The following FAF1 variants were observed in gnomAD, a reference collection of about 807,000 sequenced individuals.
The protein encoded by FAF1 is FAS-associated factor 1.
Under a neutral mutation model 92.5 loss-of-function variants are expected in FAF1, and 25 were observed. The ratio of observed to expected loss-of-function variants is 0.27; its 90% CI spans 0.20 to 0.38. The LOEUF (loss-of-function observed/expected upper bound fraction) is 0.38, where lower values mean the gene tolerates loss of function less well. FAF1 is among the 10% of genes least tolerant of loss of function. FAF1 has a pLI of 1.00. For synonymous variants in FAF1, 234 were observed against 273.2 expected, an observed-to-expected ratio of 0.86 and a Z score of 1.42; for missense variants, 636 against 793.3, an observed-to-expected ratio of 0.80 and a Z score of 2.38.
At chr1:50,728,180 G>C (rs1049482561) in intron 6 of FAF1, among the ~76,000 whole-genome samples, 3 of 152,146 alleles carry the variant, frequency 2.0e-5, no homozygotes, top group Admixed American at 6.5e-5. Flanking sequence ...GTATAACAGA[G>C]GGGCTGTTTT....
At chr1:50,596,010 G>C (rs1240130369) in intron 9 of FAF1, 111 bp downstream of exon 9, 3 of 691,218 alleles carry the variant, frequency 4.3e-6, no homozygotes, top group Non-Finnish European at 7.6e-6. Flanking sequence ...TTTAATTAAT[G>C]CTACATTAAC....
Position 50,900,739 on chromosome 1 carries a change from C to T in FAF1, c.46-42742G>A, listed in dbSNP as rs187100703. ...AAATACAAAGGTTTCCAATATAAAT[C>T]GTCATTTTTTATAAATATCATCAGT... is the stretch of plus-strand genomic sequence containing the variant. On this transcript the variant is annotated intron_variant, in intron 1 of 18. Transcript: ENST00000396153. Among the ~76,000 whole-genome samples, 308 of 152,222 alleles carry T rather than the reference C, an allele frequency of 2.0e-3. 1 individual carries two copies. The highest frequency in any genetic ancestry group is 6.7e-3 in the African/African-American group (278 of 41,532).
At position 50,655,625 on chromosome 1, in the gene FAF1, C is replaced by T. The variant is rs1456400828; in HGVS notation, c.658-97G>A. 3 of 706,694 alleles carry T rather than the reference C, an allele frequency of 4.2e-6. No individual in the cohort carries two copies. The East Asian group carries it at 9.2e-5, about 22-fold the overall frequency. 43.8% of individuals were successfully genotyped at this position (706,694 alleles called of 1,614,324 possible). A position where few individuals can be genotyped will look rare whatever the true frequency, so the allele number is the denominator to read the frequency against. The stretch of plus-strand genomic sequence containing the variant: ...AGACATACAGTGTATTTCTTGTTTT[C>T]TTCTAGATTCAAAACAAGAATTTGA... On this transcript the variant is annotated intron_variant, in intron 7 of 18. Transcript: ENST00000396153.
intron 4 of FAF1, among the ~76,000 whole-genome samples, chr1:50,773,037 A>T (rs1660827125): frequency 6.6e-6 from 1 of 152,230 alleles, no homozygotes. Flanking sequence ...ATTAATTGAA[A>T]GATGTAACTC....
intron 7 of FAF1, among the ~76,000 whole-genome samples, chr1:50,698,144 C>A (rs1440237108): frequency 6.6e-6 from 1 of 151,742 alleles, no homozygotes; most frequent in African/African-American, 2.4e-5. Flanking sequence ...GGTTTAATTT[C>A]TTGTGTGTGT....
chr1:50,800,161 T>A (rs1311350742), intron 3 of FAF1, among the ~76,000 whole-genome samples: 1 of 152,170 alleles, frequency 6.6e-6, no homozygotes, highest in Non-Finnish European at 1.5e-5. Flanking sequence ...ATAAAATATA[T>A]TAAATAAAAA....
At position 50,930,881 on chromosome 1, in the gene FAF1, T is replaced by C. The variant is rs139159036; in HGVS notation, c.45+28886A>G. On this transcript the variant is annotated intron_variant, in intron 1 of 18. Coordinates refer to ENST00000396153, the MANE Select transcript of FAF1 (RefSeq NM_007051.3). ...ACTAAAGAAGGCAATATAACTTAAC[T>C]AGGGTTAGAAAGCAGAAAAACTGTG... 2.6e-5 allele frequency among the ~76,000 whole-genome samples: 4 copies of C among 152,306 alleles called. No individual in the cohort carries two copies. In the East Asian group the frequency reaches 5.8e-4, roughly 22 times the overall value.
chr1:50,902,497 T>C (rs986237533), intron 1 of FAF1, among the ~76,000 whole-genome samples: 5 of 152,196 alleles, frequency 3.3e-5, no homozygotes, highest in African/African-American at 4.8e-5. Flanking sequence ...TAGGGCTACT[T>C]AAAATTTTTA....
intron 7 of FAF1, among the ~76,000 whole-genome samples, chr1:50,684,096 A>G (rs896049231): frequency 6.6e-6 from 1 of 152,148 alleles, no homozygotes; most frequent in African/African-American, 2.4e-5. Context: ...TTGGTTTCCA[A>G]CTTGGAAATT....
chr1:50,930,914 ACTT>A (rs1645042255), intron 1 of FAF1, among the ~76,000 whole-genome samples: 1 of 152,202 alleles, frequency 6.6e-6, no homozygotes, highest in Non-Finnish European at 1.5e-5. Flanking sequence ...GTGTGCCAGA[ACTT>A]CTTTATTTTT....
chr1:50,828,667 G>A (rs183375971), intron 2 of FAF1, among the ~76,000 whole-genome samples: 3 of 152,016 alleles, frequency 2.0e-5, no homozygotes, highest in Non-Finnish European at 2.9e-5. Flanking sequence ...ATTAACTTTC[G>A]ATAAATTACG....
intron 17 of FAF1, among the ~76,000 whole-genome samples, chr1:50,487,924 C>T (rs780562982): frequency 6.6e-6 from 1 of 152,130 alleles, no homozygotes; most frequent in African/African-American, 2.4e-5. Flanking sequence ...CTTTCTGGGT[C>T]TCAGTTTCTT....
At chr1:50,468,385 C>T (rs565046486) in intron 18 of FAF1, among the ~76,000 whole-genome samples, 1 of 151,958 alleles carries the variant, frequency 6.6e-6, no homozygotes, top group Admixed American at 6.6e-5. Context: ...CTCCGCCTCC[C>T]AGGTTCAAGC....
At chr1:50,732,059 C>CATT (rs972779942) in intron 6 of FAF1, among the ~76,000 whole-genome samples, 2 of 151,710 alleles carry the variant, frequency 1.3e-5, no homozygotes, top group South Asian at 2.1e-4. Context: ...TTGCTAAATA[C>CATT]ATTATTATTA....
chr1:50,626,772 A>G (rs1432951419), intron 8 of FAF1, among the ~76,000 whole-genome samples: 1 of 152,146 alleles, frequency 6.6e-6, no homozygotes, highest in African/African-American at 2.4e-5. Context: ...GAGAGTAAAT[A>G]TAGAAGCCCA....
At chr1:50,509,389 A>G (rs1294623384) in intron 15 of FAF1, among the ~76,000 whole-genome samples, 1 of 152,014 alleles carries the variant, frequency 6.6e-6, no homozygotes, top group Non-Finnish European at 1.5e-5. Context: ...AGGCAGGAGG[A>G]CTGTTTGAGT....
intron 3 of FAF1, among the ~76,000 whole-genome samples, chr1:50,788,988 A>C (rs1322415730): frequency 2.0e-5 from 3 of 152,014 alleles, no homozygotes; most frequent in African/African-American, 7.2e-5. Context: ...CATGCCACCA[A>C]GCCCCAGCTC....
chr1:50,786,044 G>A (rs976242419), intron 4 of FAF1, among the ~76,000 whole-genome samples: 6 of 151,876 alleles, frequency 4.0e-5, no homozygotes, highest in Non-Finnish European at 7.4e-5. Context: ...AAGGCAGGGG[G>A]ACTGCTTGAG....
intron 1 of FAF1, among the ~76,000 whole-genome samples, chr1:50,931,513 A>T (rs780161115): frequency 2.0e-5 from 3 of 152,190 alleles, no homozygotes; most frequent in Non-Finnish European, 2.9e-5. Flanking sequence ...AATGAGGAAG[A>T]AGCAAAAGCA....
Sources: gnomAD v4.1 joint callset for allele counts (sites outside exome capture counted in the v4.1 genomes callset) on GRCh38, gnomAD v4.1.1 for gene constraint, MANE v1.5 for transcripts, NCBI Gene and HGNC (gene_info 2026-07-23, HGNC 2026-07-21) for gene names.